The following SKAP1 variants were observed in gnomAD, a reference collection of about 807,000 sequenced individuals.
SKAP1 encodes the protein src kinase-associated phosphoprotein 1.
SKAP1 carries 44 observed loss-of-function variants against 58.5 expected under a neutral mutation model. The observed-to-expected ratio is 0.75, with a 90% CI of 0.59 to 0.97. The LOEUF (loss-of-function observed/expected upper bound fraction) is 0.97, where lower values mean the gene tolerates loss of function less well. SKAP1 is among the 50% of genes least tolerant of loss of function. The pLI is 0.00. For synonymous variants in SKAP1, 127 were observed against 149.7 expected, an observed-to-expected ratio of 0.85 and a Z score of 1.11; for missense variants, 390 against 435.2, an observed-to-expected ratio of 0.90 and a Z score of 0.92.
chr17:48,186,192 T>C (rs1205569194), intron 6 of SKAP1, among the ~76,000 whole-genome samples: 2 of 152,252 alleles, frequency 1.3e-5, no homozygotes, highest in Non-Finnish European at 2.9e-5. Context: ...TGAATGCCTA[T>C]AATTTAGAGG....
At chr17:48,315,810 G>A (rs1337591734) in intron 4 of SKAP1, among the ~76,000 whole-genome samples, 1 of 152,000 alleles carries the variant, frequency 6.6e-6, no homozygotes, top group African/African-American at 2.4e-5. Context: ...TTAAAATCTT[G>A]TATAAAGTTA....
At chr17:48,143,826 G>A (rs529688738) in intron 11 of SKAP1, among the ~76,000 whole-genome samples, 6 of 152,148 alleles carry the variant, frequency 3.9e-5, no homozygotes, top group African/African-American at 1.2e-4. Flanking sequence ...TTTGCTCCCC[G>A]GGGGTTGTTC....
intron 11 of SKAP1, among the ~76,000 whole-genome samples, chr17:48,152,263 T>G (rs2063910647): frequency 6.6e-6 from 1 of 152,222 alleles, no homozygotes; most frequent in South Asian, 2.1e-4. Flanking sequence ...GTTACTGCCC[T>G]GTATGTTAGC....
chr17:48,353,237 A>G (rs980948494), intron 3 of SKAP1, among the ~76,000 whole-genome samples: 1 of 152,234 alleles, frequency 6.6e-6, no homozygotes, highest in African/African-American at 2.4e-5. Context: ...AAATCAATAT[A>G]CTGATTTTTT....
chr17:48,444,560 T>C, the SKAP1 span, among the ~76,000 whole-genome samples: 2 of 152,222 alleles, frequency 1.3e-5, no homozygotes, highest in African/African-American at 4.8e-5. Context: ...TCTCTCTCTC[T>C]CCTTCCCCTC....
chr17:48,441,415 T>A, the SKAP1 span, among the ~76,000 whole-genome samples: 1 of 152,168 alleles, frequency 6.6e-6, no homozygotes, highest in Non-Finnish European at 1.5e-5. Context: ...TCATGGGTGC[T>A]TTTGAACCTC....
upstream of SKAP1, chr17:48,430,335 G>A: frequency 3.8e-6 from 1 of 260,500 alleles, no homozygotes; most frequent in Non-Finnish European, 7.1e-6. Context: ...GGGCGTGGGT[G>A]CACGTGGCGC....
rs771871459 is a variant in SKAP1 at position 48,180,074 on chromosome 17, T to A, written c.806A>T (p.Asp269Val). Residue 269 changes from aspartate (D) to valine (V), a missense_variant, in exon 9 of 13, where the codon GAT becomes GTT. By Grantham distance (152) the Asp-to-Val change is radical. Coordinates refer to ENST00000336915, the MANE Select transcript of SKAP1 (RefSeq NM_003726.4). ...CTCACCTGGCAAGACTTCATAAATA[T>A]CTTCTTCTTCTTTCTCCTCTGTAGG... ...KEPTEEKEEE[D>V]IYEVLPDEEH... 1 of 1,584,464 alleles carries A rather than the reference T, an allele frequency of 6.3e-7. No individual in the cohort carries two copies. The highest frequency in any genetic ancestry group is 8.6e-7 in the Non-Finnish European group (1 of 1,167,544).
At position 48,368,261 on chromosome 17, in the gene SKAP1, T is replaced by C. The variant is rs149094668; in HGVS notation, c.153-4447A>G. 5.0e-4 allele frequency among the ~76,000 whole-genome samples: 76 copies of C among 152,300 alleles called. 1 individual carries two copies. The highest frequency in any genetic ancestry group is 1.3e-3 in the Admixed American group (20 of 15,304). On this transcript the variant is annotated intron_variant, in intron 2 of 12. Transcript: ENST00000336915. ...GTTAAAGATATTCCCTGGGTGGCCT[T>C]CATCATGTTCTCTAGAAATATAATT...
chr17:48,246,340 G>T (rs149297018), intron 4 of SKAP1, among the ~76,000 whole-genome samples: 26 of 152,158 alleles, frequency 1.7e-4, no homozygotes, highest in African/African-American at 6.0e-4. Flanking sequence ...CGGACTATTT[G>T]GTGTTTCCTG....
intron 3 of SKAP1, among the ~76,000 whole-genome samples, chr17:48,361,665 A>C (rs2066940766): frequency 6.6e-6 from 1 of 152,174 alleles, no homozygotes; most frequent in African/African-American, 2.4e-5. Context: ...GAGTTAATAA[A>C]ATTCATCCCA....
In SKAP1 at chr17:48,402,809, C is replaced by A. The variant is rs534616852; in HGVS notation, c.47-6024G>T. On this transcript the variant is annotated intron_variant, in intron 1 of 12. Transcript: ENST00000336915. ...AAATCATTATGCTAAGTGAAAGGAG[C>A]CAGTCACAAAGGACCACATATCGTA... Among the ~76,000 whole-genome samples the A allele has an allele frequency of 2.6e-5, 4 of 151,970 alleles. No individual in the cohort carries two copies. The East Asian group carries it at 7.7e-4, about 29-fold the overall frequency.
the SKAP1 span, among the ~76,000 whole-genome samples, chr17:48,444,089 C>T: frequency 6.6e-6 from 1 of 151,940 alleles, no homozygotes; most frequent in Non-Finnish European, 1.5e-5. Context: ...GAGGATATTC[C>T]CTTAAAAATA....
chr17:48,437,154 G>A, the SKAP1 span, among the ~76,000 whole-genome samples: 1 of 152,014 alleles, frequency 6.6e-6, no homozygotes, highest in African/African-American at 2.4e-5. Context: ...TTGCTGATTT[G>A]TACCTCTGCC....
At chr17:48,297,515 A>G (rs2065994916) in intron 4 of SKAP1, among the ~76,000 whole-genome samples, 1 of 152,214 alleles carries the variant, frequency 6.6e-6, no homozygotes, top group Non-Finnish European at 1.5e-5. Flanking sequence ...ACAAGTGTTC[A>G]CTTTTATTCC....
At chr17:48,294,452 C>T (rs572610783) in intron 4 of SKAP1, 54 of 152,220 alleles carry the variant, frequency 3.5e-4, no homozygotes, top group African/African-American at 1.3e-3. Flanking sequence ...ACAAAGGACG[C>T]CAATCTACGA....
intron 4 of SKAP1, among the ~76,000 whole-genome samples, chr17:48,254,132 C>T (rs9910351): frequency 0.091 from 13,888 of 152,130 alleles, 964 homozygotes; most frequent in African/African-American, 0.17. Context: ...ATAATAGGGC[C>T]ATTCAACTAA....
At chr17:48,170,772 C>T (rs747488099) in intron 9 of SKAP1, 113 bp from the exon 10 acceptor site, 18 of 889,602 alleles carry the variant, frequency 2.0e-5, no homozygotes, top group African/African-American at 8.5e-5. Flanking sequence ...TGCAGTGGAA[C>T]GATTTTCGGT....
upstream of SKAP1, among the ~76,000 whole-genome samples, chr17:48,431,372 G>A (rs2067914473): frequency 1.3e-5 from 2 of 152,310 alleles, no homozygotes; most frequent in South Asian, 4.1e-4. Context: ...AGGTGCATGT[G>A]GTGTTTGAGA....
Sources: gnomAD v4.1 joint callset for allele counts (sites outside exome capture counted in the v4.1 genomes callset) on GRCh38, gnomAD v4.1.1 for gene constraint, MANE v1.5 for transcripts, NCBI Gene and HGNC (gene_info 2026-07-23, HGNC 2026-07-21) for gene names.